NAPG: variants seen among roughly 807,000 people sequenced by gnomAD.
The protein encoded by NAPG is gamma-soluble NSF attachment protein.
A neutral mutation model predicts 48.4 loss-of-function variants in NAPG; 25 were observed. That is an observed-to-expected ratio of 0.52 (90% CI 0.38 to 0.72). The LOEUF (loss-of-function observed/expected upper bound fraction) is 0.72, where lower values mean the gene tolerates loss of function less well. Among genes scored for constraint, NAPG ranks in the 30% least tolerant of loss-of-function variants. The probability of loss-of-function intolerance (pLI) is 0.00; values close to 1 mark genes in which losing one functional copy is unlikely to be tolerated. For synonymous variants in NAPG, 139 were observed against 127.2 expected (o/e 1.09, Z -0.62); for missense variants, 359 against 372.5 (o/e 0.96, Z 0.30).
chr18:10,530,973 G>A (rs2031917106), intron 2 of NAPG, 136 bp downstream of exon 2: 7 of 681,220 alleles, frequency 1.0e-5, no homozygotes, highest in South Asian at 4.7e-5. Flanking sequence ...AACTGTGCAA[G>A]CCCTTGAGTT....
chr18:10,539,985 C>G lies in NAPG; in HGVS notation c.369-3C>G, dbSNP rs1372384042. The G allele has an allele frequency of 1.2e-6, 2 of 1,603,940 alleles. No individual in the cohort carries two copies. Among genetic ancestry groups the G allele is most frequent in the African/African-American group, 2.7e-5 (2 of 74,698 alleles). ...ATAAGACATGTTTTCTTGTCTGATT[C>G]AGGCTTATAGAAAATGTTGATCCAG... On this transcript the variant is annotated splice_region_variant and splice_polypyrimidine_tract_variant and intron_variant, in intron 6 of 11. Transcript: ENST00000322897. This position sits in a 1 kb window ranked among gnomAD's most constrained non-coding sequence, Gnocchi z 4.7.
rs2032276009 is a variant in NAPG at position 10,546,792 on chromosome 18, A to G, written c.585+388A>G. ...GTGGAGCTGGGCAGCAAAGGCTGCA[A>G]CAATGAAAACTCCAAAAGAAACCCC... On this transcript the variant is annotated intron_variant, in intron 9 of 11. Coordinates refer to ENST00000322897, the MANE Select transcript of NAPG (RefSeq NM_003826.3). The surrounding 1 kb of genome is among the most constrained non-coding windows in gnomAD (Gnocchi z 4.0). Among the ~76,000 whole-genome samples, 1 of 152,192 alleles carries G rather than the reference A, an allele frequency of 6.6e-6. No homozygotes were observed. The highest frequency in any genetic ancestry group is 6.5e-5 in the Admixed American group (1 of 15,288).
chr18:10,543,147 AAAAG>A lies in NAPG; in HGVS notation c.506+2752_506+2755del, dbSNP rs1310247775. On this transcript the variant is annotated intron_variant, in intron 8 of 11. Transcript: ENST00000322897. This position sits in a 1 kb window ranked among gnomAD's most constrained non-coding sequence, Gnocchi z 4.4. ...GAGACTCCCATCTCAAAAAAAAAAAAAAAGAAAAGAAAAGAAAAAAAGACCTTTC... is the reference window on the plus strand; with the variant it reads ...GAGACTCCCATCTCAAAAAAAAAAAAAAAAGAAAAGAAAAAAAGACCTTTC... Among the ~76,000 whole-genome samples the A allele has an allele frequency of 0.013, 1,895 of 150,494 alleles. 19 individuals carry two copies. Among genetic ancestry groups the A allele is most frequent in the Middle Eastern group, 0.059 (17 of 288 alleles).
chr18:10,536,758 A>T (rs1225979886), intron 5 of NAPG, among the ~76,000 whole-genome samples: 2 of 152,136 alleles, frequency 1.3e-5, no homozygotes, highest in East Asian at 1.9e-4. Context: ...CTCATGACGA[A>T]TAGTTCCTGT....
intron 3 of NAPG, 77 bp downstream of exon 3, chr18:10,532,872 A>C (rs2031957967): frequency 1.7e-6 from 2 of 1,200,770 alleles, no homozygotes; most frequent in South Asian, 2.9e-5. Context: ...CTGTAAATTT[A>C]CTTTACTACC....
In NAPG at chr18:10,539,788, T is replaced by C; in HGVS notation, c.285T>C (p.Val95=). 1.9e-6 allele frequency: 3 copies of C among 1,614,010 alleles called. No individual in the cohort carries two copies. The highest frequency in any genetic ancestry group is 2.5e-6 in the Non-Finnish European group (3 of 1,179,882). Residue 95 remains valine (V), a synonymous_variant, in exon 6 of 12, where the codon GTT becomes GTC. Transcript: ENST00000322897. This position sits in a 1 kb window ranked among gnomAD's most constrained non-coding sequence, Gnocchi z 4.7. ...LKEMQKLPEA[V]QLIEKASMMY... The stretch of plus-strand genomic sequence containing the variant: ...AGATGCAGAAACTACCAGAGGCCGT[T>C]CAGCTAATTGAGAAGGCCAGCATGA...
intron 8 of NAPG, among the ~76,000 whole-genome samples, chr18:10,541,290 T>G (rs1395813761): frequency 6.6e-6 from 1 of 152,216 alleles, no homozygotes; most frequent in African/African-American, 2.4e-5. Context: ...CTAAATGGAA[T>G]AGAAATTTCA....
chr18:10,542,511 AT>A lies in NAPG; in HGVS notation c.506+2115del, dbSNP rs1272515174. 6.6e-6 allele frequency among the ~76,000 whole-genome samples: 1 copy of A among 152,132 alleles called. No homozygotes were observed. Among genetic ancestry groups the A allele is most frequent in the Non-Finnish European group, 1.5e-5 (1 of 68,032 alleles). On this transcript the variant is annotated intron_variant, in intron 8 of 11. Transcript: ENST00000322897. This position sits in a 1 kb window ranked among gnomAD's most constrained non-coding sequence, Gnocchi z 4.5. The stretch of plus-strand genomic sequence containing the variant: ...TAGTGATGGAGACATTATTGAGATG[AT>A]TTATGTGATAATTGAAAATATTAAC...
At position 10,546,264 on chromosome 18, in the gene NAPG, A is replaced by C. The variant is rs2032263127; in HGVS notation, c.507-62A>C. ...ATCTATGATGTCAAGTACATTTCAC[A>C]GGGGACCTCTGCTATAGATCATTTA... is the stretch of plus-strand genomic sequence containing the variant. On this transcript the variant is annotated intron_variant, in intron 8 of 11. Transcript: ENST00000322897. This position sits in a 1 kb window ranked among gnomAD's most constrained non-coding sequence, Gnocchi z 4.0. 1 of 1,047,872 alleles carries C rather than the reference A, an allele frequency of 9.5e-7. No homozygotes were observed. The highest frequency in any genetic ancestry group is 2.5e-5 in the Admixed American group (1 of 39,822). 64.9% of individuals were successfully genotyped at this position (1,047,872 alleles called of 1,614,324 possible). A position where few individuals can be genotyped will look rare whatever the true frequency, so the allele number is the denominator to read the frequency against.
chr18:10,540,169 C>T (rs2032121477), intron 7 of NAPG, 115 bp downstream of exon 7: 4 of 1,065,448 alleles, frequency 3.8e-6, no homozygotes, highest in South Asian at 1.6e-5. Context: ...CTCACAGTTG[C>T]ACGCTATTTC....
At chr18:10,526,320 A>C (rs1196780882) in intron 1 of NAPG, 162 bp downstream of exon 1, 6 of 659,266 alleles carry the variant, frequency 9.1e-6, no homozygotes, top group Non-Finnish European at 5.1e-6. Flanking sequence ...TCTGGGTCAC[A>C]CTCCCGGGGT....
rs755860148 is a variant in NAPG, at chr18:10,546,281, G to A, written c.507-45G>A. On this transcript the variant is annotated intron_variant, in intron 8 of 11. Transcript: ENST00000322897. This position sits in a 1 kb window ranked among gnomAD's most constrained non-coding sequence, Gnocchi z 4.0. The stretch of plus-strand genomic sequence containing the variant: ...CATTTCACAGGGGACCTCTGCTATA[G>A]ATCATTTAGACCTGCTTTTTTTACA... 29 of 1,291,772 alleles carry A rather than the reference G, an allele frequency of 2.2e-5. No homozygotes were observed. The highest frequency in any genetic ancestry group is 2.2e-4 in the East Asian group (9 of 40,364). 80.0% of individuals were successfully genotyped at this position (1,291,772 alleles called of 1,614,324 possible).
rs965825016 is a variant in NAPG, at chr18:10,543,580, A to G, written c.507-2746A>G. Among the ~76,000 whole-genome samples the G allele has an allele frequency of 8.5e-5, 13 of 152,236 alleles. No individual in the cohort carries two copies. Among genetic ancestry groups the G allele is most frequent in the Non-Finnish European group, 1.3e-4 (9 of 68,046 alleles). Reference sequence around the variant, plus strand: ...TCAGGAAATAGTTGGGGCCAGAGGAACAGTTTGAGTTGTGGTGTAGAAGGT... The same window carrying G: ...TCAGGAAATAGTTGGGGCCAGAGGAGCAGTTTGAGTTGTGGTGTAGAAGGT... On this transcript the variant is annotated intron_variant, in intron 8 of 11. Transcript: ENST00000322897. This position sits in a 1 kb window ranked among gnomAD's most constrained non-coding sequence, Gnocchi z 4.4.
chr18:10,545,217 C>A (rs561679589), intron 8 of NAPG, among the ~76,000 whole-genome samples: 33 of 152,102 alleles, frequency 2.2e-4, no homozygotes, highest in Admixed American at 1.7e-3. Context: ...GAGGCTGAGG[C>A]AAGAGAATCA....
chr18:10,526,246 G>GGGGGGTGGGC, intron 1 of NAPG, 88 bp downstream of exon 1: 2 of 490,184 alleles, frequency 4.1e-6, no homozygotes, highest in African/African-American at 2.0e-5. Flanking sequence ...GGGCGGGAGG[G>GGGGGGTGGGC]AGGGCTCAGG....
chr18:10,540,139 A>G, intron 7 of NAPG, 85 bp downstream of exon 7: 3 of 1,184,562 alleles, frequency 2.5e-6, no homozygotes, highest in East Asian at 2.6e-5. Flanking sequence ...TGCAGTGGCT[A>G]CTTTTAAAAC....
chr18:10,535,954 G>C (rs1385951517), intron 5 of NAPG, among the ~76,000 whole-genome samples: 1 of 152,158 alleles, frequency 6.6e-6, no homozygotes, highest in African/African-American at 2.4e-5. Context: ...AGAAGCTGGG[G>C]ATCTGCTCTG....
rs968230274 is a variant in NAPG, at chr18:10,539,679, A to T, written c.259-83A>T. On this transcript the variant is annotated intron_variant, in intron 5 of 11. Coordinates refer to ENST00000322897, the MANE Select transcript of NAPG (RefSeq NM_003826.3). This position sits in a 1 kb window ranked among gnomAD's most constrained non-coding sequence, Gnocchi z 4.7. Reference sequence around the variant, plus strand: ...ATGTGTCCCAGAACTTAAAATAAAAAATAATTGCATTTCAGATTGTTAACT... The same window carrying T: ...ATGTGTCCCAGAACTTAAAATAAAATATAATTGCATTTCAGATTGTTAACT... 2 of 1,136,586 alleles carry T rather than the reference A, an allele frequency of 1.8e-6. No individual in the cohort carries two copies. The highest frequency in any genetic ancestry group is 1.3e-6 in the Non-Finnish European group (1 of 766,270). 70.4% of individuals were successfully genotyped at this position (1,136,586 alleles called of 1,614,324 possible).
In NAPG at chr18:10,548,500, T is replaced by C. The variant is rs1598413467; in HGVS notation, c.665+122T>C. ...TGTCATTTCTAAATCTTAGGAGTGC[T>C]CATCTACCATTTCATCTTTTACAGT... On this transcript the variant is annotated intron_variant, in intron 10 of 11. Transcript: ENST00000322897. The surrounding 1 kb of genome is among the most constrained non-coding windows in gnomAD (Gnocchi z 4.4). 4.1e-6 allele frequency: 3 copies of C among 733,142 alleles called. No homozygotes were observed. The highest frequency in any genetic ancestry group is 2.7e-5 in the East Asian group (1 of 37,498). 45.4% of individuals were successfully genotyped at this position (733,142 alleles called of 1,614,324 possible).
Sources: allele counts gnomAD v4.1 joint callset (sites outside exome capture counted in the v4.1 genomes callset), GRCh38; gene constraint gnomAD v4.1.1; non-coding constraint Gnocchi (gnomAD v3.1); transcripts MANE v1.5; gene names NCBI Gene and HGNC (gene_info 2026-07-23, HGNC 2026-07-21).